SRPK2: variants seen among roughly 807,000 people sequenced by gnomAD.
SRPK2 encodes the protein SFRS protein kinase 2.
Under a neutral mutation model 90.8 loss-of-function variants are expected in SRPK2, and 21 were observed. The ratio of observed to expected loss-of-function variants is 0.23; its 90% CI spans 0.16 to 0.33. The LOEUF (loss-of-function observed/expected upper bound fraction) is 0.33, where lower values mean the gene tolerates loss of function less well. SRPK2 is among the 10% of genes least tolerant of loss of function. The pLI is 1.00. For missense variants in SRPK2, 620 were observed against 869.0 expected (o/e 0.71, Z 3.60); for synonymous variants, 288 against 311.1 (o/e 0.93, Z 0.78).
intron 2 of SRPK2, among the ~76,000 whole-genome samples, chr7:105,382,453 A>T (rs1821056068): frequency 6.7e-6 from 1 of 149,732 alleles, no homozygotes. Context: ...TCAGGAGGCT[A>T]AGTCAGGAGA....
intron 2 of SRPK2, among the ~76,000 whole-genome samples, chr7:105,348,395 G>A (rs1816726904): frequency 6.7e-6 from 1 of 149,112 alleles, no homozygotes; most frequent in African/African-American, 2.5e-5. Flanking sequence ...GCCACTATTT[G>A]GTATAAAATG....
At chr7:105,258,157 G>A (rs1156243145) in intron 2 of SRPK2, among the ~76,000 whole-genome samples, 3 of 150,120 alleles carry the variant, frequency 2.0e-5, no homozygotes, top group South Asian at 2.1e-4. Flanking sequence ...GGTGGATCAC[G>A]CCTGTAATCC....
chr7:105,257,989 C>T (rs991663222), intron 2 of SRPK2, among the ~76,000 whole-genome samples: 1 of 151,796 alleles, frequency 6.6e-6, no homozygotes, highest in Non-Finnish European at 1.5e-5. Context: ...CGCCTGTAGT[C>T]CCACCTACTC....
chr7:105,302,125 A>G, intron 2 of SRPK2: 2 of 1,431,460 alleles, frequency 1.4e-6, no homozygotes, highest in South Asian at 1.2e-5. Context: ...ATTCTTTAAA[A>G]AGTAAAACTG....
At chr7:105,268,316 T>C (rs953473222) in intron 2 of SRPK2, among the ~76,000 whole-genome samples, 1 of 152,168 alleles carries the variant, frequency 6.6e-6, no homozygotes, top group African/African-American at 2.4e-5. Flanking sequence ...ATCTGTGGGT[T>C]TGCAATTCCT....
intron 2 of SRPK2, among the ~76,000 whole-genome samples, chr7:105,255,974 G>T (rs1390673141): frequency 6.6e-6 from 1 of 151,158 alleles, no homozygotes; most frequent in East Asian, 1.9e-4. Context: ...ATGCACATCT[G>T]TCAGGGCTCT....
upstream of SRPK2, among the ~76,000 whole-genome samples, chr7:105,390,619 T>TTTTTG (rs1822147743): frequency 6.8e-6 from 1 of 146,456 alleles, no homozygotes; most frequent in African/African-American, 2.6e-5. Context: ...TTTTTTTTTT[T>TTTTTG]TTTTTTTTTT....
At chr7:105,330,338 AAAAT>A (rs1033382890) in intron 2 of SRPK2, among the ~76,000 whole-genome samples, 4 of 151,786 alleles carry the variant, frequency 2.6e-5, no homozygotes, top group East Asian at 1.9e-4. Context: ...CTCTGTCTCA[AAAAT>A]AAATAAATAA....
At chr7:105,369,521 G>C (rs1819472827) in intron 2 of SRPK2, among the ~76,000 whole-genome samples, 1 of 152,042 alleles carries the variant, frequency 6.6e-6, no homozygotes, top group Non-Finnish European at 1.5e-5. Flanking sequence ...CAGGTGCTCT[G>C]TAAAGTCCAG....
intron 1 of SRPK2, among the ~76,000 whole-genome samples, chr7:105,398,445 G>A (rs373623301): frequency 1.4e-4 from 21 of 148,762 alleles, no homozygotes; most frequent in East Asian, 5.9e-4. Context: ...GTGCAATGGC[G>A]CAACCTCAGC....
chr7:105,186,883 G>C (rs1027653031), intron 3 of SRPK2, among the ~76,000 whole-genome samples: 1 of 152,092 alleles, frequency 6.6e-6, no homozygotes, highest in Non-Finnish European at 1.5e-5. Context: ...ATATGCAAAG[G>C]GCATGGATAG....
upstream of SRPK2, among the ~76,000 whole-genome samples, chr7:105,392,866 G>A (rs1822217382): frequency 6.6e-6 from 1 of 151,402 alleles, no homozygotes; most frequent in South Asian, 2.1e-4. Flanking sequence ...AGGCTGGAGT[G>A]CAGTGGTGTG....
chr7:105,159,483 AG>A (rs1807217682), intron 7 of SRPK2, among the ~76,000 whole-genome samples: 1 of 142,922 alleles, frequency 7.0e-6, no homozygotes, highest in African/African-American at 2.6e-5. Context: ...ACCGTACAAA[AG>A]GAAGAAGAGA....
At chr7:105,325,486 C>CAAAAAAAAAAAAAA (rs33959633) in intron 2 of SRPK2, among the ~76,000 whole-genome samples, 1 of 86,110 alleles carries the variant, frequency 1.2e-5, no homozygotes, top group Non-Finnish European at 2.1e-5. Flanking sequence ...ACCAAGTCTT[C>CAAAAAAAAAAAAAA]AAAAAAAAAA....
downstream of SRPK2, chr7:105,115,203 A>G (rs1799555452): frequency 6.6e-6 from 1 of 152,220 alleles, no homozygotes; most frequent in Non-Finnish European, 1.5e-5. Flanking sequence ...AAGGGGGAGA[A>G]AAAAGGAGAA....
intron 2 of SRPK2, among the ~76,000 whole-genome samples, chr7:105,388,120 G>C (rs1380133792): frequency 1.3e-5 from 2 of 152,194 alleles, no homozygotes; most frequent in Admixed American, 1.3e-4. Flanking sequence ...AACCAGCTTA[G>C]GTTCTCAGCA....
chr7:105,342,284 A>T (rs1815907929), intron 2 of SRPK2, among the ~76,000 whole-genome samples: 3 of 151,632 alleles, frequency 2.0e-5, no homozygotes, highest in Admixed American at 2.0e-4. Context: ...AGATCGCACC[A>T]CTGCACTCCA....
chr7:105,326,660 A>C (rs1813626537), intron 2 of SRPK2, among the ~76,000 whole-genome samples: 1 of 152,234 alleles, frequency 6.6e-6, no homozygotes, highest in South Asian at 2.1e-4. Flanking sequence ...GAACAGCTAG[A>C]GGTACAGAAA....
chr7:105,143,265 T>A lies in SRPK2; in HGVS notation c.879A>T (p.Leu293Phe). The A allele has an allele frequency of 6.2e-7, 1 of 1,614,170 alleles. No individual in the cohort carries two copies. Among genetic ancestry groups the A allele is most frequent in the Non-Finnish European group, 8.5e-7 (1 of 1,180,020 alleles). The change falls in exon 10 of 16, where the codon TTA (leucine) becomes TTT (phenylalanine). Residue 293 changes from leucine (L) to phenylalanine (F), a missense_variant. Around this residue, in one of 8 missense-constraint regions of SRPK2, gnomAD observed 196 missense variants for 339.2 expected, o/e 0.58. Coordinates refer to ENST00000393651, the MANE Select transcript of SRPK2 (RefSeq NM_182692.3). ...CTATCTCCTGCAGGCGCTTCTCCAATAACTCAGCCTGCCTCTTCTGTTTCT... is the reference window on the plus strand; with the variant it reads ...CTATCTCCTGCAGGCGCTTCTCCAAAAACTCAGCCTGCCTCTTCTGTTTCT... ...LKKKQKRQAELLEKRLQEIEE... is the reference protein window; with the variant it reads ...LKKKQKRQAEFLEKRLQEIEE...
Sources: gnomAD v4.1 joint callset for allele counts (sites outside exome capture counted in the v4.1 genomes callset) on GRCh38, gnomAD v4.1.1 for gene constraint, gnomAD v4.1.1 regional missense constraint, MANE v1.5 for transcripts, NCBI Gene and HGNC (gene_info 2026-07-23, HGNC 2026-07-21) for gene names.